Variants in MAGI3 observed in about 807,000 individuals in gnomAD.
The protein encoded by MAGI3 is membrane associated guanylate kinase, WW and PDZ domain containing 3, also known as membrane-associated guanylate kinase, WW and PDZ domain-containing protein 3.
Under a neutral mutation model 121.8 loss-of-function variants are expected in MAGI3, and 43 were observed. That is an observed-to-expected ratio of 0.35 (90% confidence interval 0.28 to 0.46). The LOEUF is 0.46. Ranked by LOEUF, MAGI3 falls within the 20% of genes least tolerant of loss-of-function variation. The probability of loss-of-function intolerance (pLI) is 1.00; values close to 1 mark genes in which losing one functional copy is unlikely to be tolerated. For missense variants in MAGI3, 1,547 were observed against 1,797.3 expected (o/e 0.86, Z 2.52); for synonymous variants, 553 against 639.3 (o/e 0.86, Z 2.04).
At chr1:113,557,665 C>A (rs926975734) in intron 2 of MAGI3, among the ~76,000 whole-genome samples, 5 of 152,190 alleles carry the variant, frequency 3.3e-5, no homozygotes, top group Admixed American at 1.3e-4. Flanking sequence ...TTGGAGAGCC[C>A]AGACCAATAG....
chr1:113,434,808 T>C (rs1653481715), intron 1 of MAGI3, among the ~76,000 whole-genome samples: 1 of 152,244 alleles, frequency 6.6e-6, no homozygotes, highest in Admixed American at 6.5e-5. Context: ...TAAGGAAGGT[T>C]CTTGCATTCA....
intron 1 of MAGI3, among the ~76,000 whole-genome samples, chr1:113,495,101 G>C (rs143772572): frequency 1.3e-5 from 2 of 152,238 alleles, no homozygotes; most frequent in East Asian, 3.9e-4. Context: ...GTTGTCGGCA[G>C]CTAGATGCTC....
chr1:113,546,485 T>C (rs966935599), intron 1 of MAGI3, among the ~76,000 whole-genome samples: 4 of 151,992 alleles, frequency 2.6e-5, no homozygotes, highest in Admixed American at 1.3e-4. Flanking sequence ...TACAGGCACA[T>C]ACCACCACAC....
intron 1 of MAGI3, among the ~76,000 whole-genome samples, chr1:113,496,822 A>AT (rs1306128393): frequency 6.6e-6 from 1 of 152,200 alleles, no homozygotes. Context: ...GGCTGTATAC[A>AT]TTTTTTTAAA....
intron 1 of MAGI3, among the ~76,000 whole-genome samples, chr1:113,530,394 T>C (rs983704160): frequency 6.7e-6 from 1 of 149,644 alleles, no homozygotes; most frequent in African/African-American, 2.5e-5. Context: ...AAGTGGGAGC[T>C]AAACAAGAAT....
At chr1:113,616,959 C>T (rs1283046753) in intron 7 of MAGI3, among the ~76,000 whole-genome samples, 1 of 150,888 alleles carries the variant, frequency 6.6e-6, no homozygotes, top group Non-Finnish European at 1.5e-5. Flanking sequence ...TCTTGGCTCA[C>T]TGCAACCTCC....
chr1:113,534,473 C>T (rs1349539901), intron 1 of MAGI3, among the ~76,000 whole-genome samples: 1 of 152,088 alleles, frequency 6.6e-6, no homozygotes, highest in Non-Finnish European at 1.5e-5. Context: ...CCTGGAATGC[C>T]CACTGTGCTC....
intron 1 of MAGI3, among the ~76,000 whole-genome samples, chr1:113,511,150 G>A (rs1211871715): frequency 6.6e-6 from 1 of 152,116 alleles, no homozygotes; most frequent in Non-Finnish European, 1.5e-5. Context: ...CCCTCTGAAA[G>A]AACTTGTTTG....
chr1:113,549,656 A>G (rs34297448), intron 2 of MAGI3, 25 bp downstream of exon 2: 34,318 of 1,275,976 alleles, frequency 0.027, 597 homozygotes, highest in East Asian at 0.047. Flanking sequence ...GAATAAAAGA[A>G]CTGAAGCAGA....
intron 16 of MAGI3, among the ~76,000 whole-genome samples, chr1:113,661,623 T>C (rs1438787456): frequency 6.6e-6 from 1 of 152,254 alleles, no homozygotes; most frequent in Admixed American, 6.5e-5. Flanking sequence ...TTATCCAAGA[T>C]TGTTCATAAT....
chr1:113,405,813 A>G (rs1031703462), intron 1 of MAGI3, among the ~76,000 whole-genome samples: 2 of 152,040 alleles, frequency 1.3e-5, no homozygotes, highest in African/African-American at 4.8e-5. Flanking sequence ...CTGCTTTCCA[A>G]AGAAAAAACT....
Position 113,390,957 on chromosome 1 carries a change from C to A in MAGI3, c.-77C>A. The A allele has an allele frequency of 1.5e-6, 2 of 1,335,452 alleles. No homozygotes were observed. Among genetic ancestry groups the A allele is most frequent in the Non-Finnish European group, 9.7e-7 (1 of 1,030,432 alleles). 82.7% of individuals were successfully genotyped at this position (1,335,452 alleles called of 1,614,324 possible). A position where few individuals can be genotyped will look rare whatever the true frequency, so the allele number is the denominator to read the frequency against. ...CCGGGCTGCGCGGGCCGCCCAGGGC[C>A]CCCGGGCTGAGACGGGGCCGGAGCG... On this transcript the variant is annotated 5_prime_UTR_variant, in exon 1 of 21. Transcript: ENST00000307546.
intron 1 of MAGI3, among the ~76,000 whole-genome samples, chr1:113,405,429 A>T (rs1330853255): frequency 1.5e-5 from 2 of 131,760 alleles, no homozygotes; most frequent in Admixed American, 9.1e-5. Flanking sequence ...GCAGTGAGCC[A>T]TGCTTGTACC....
intron 1 of MAGI3, among the ~76,000 whole-genome samples, chr1:113,418,022 C>T (rs1652543007): frequency 6.6e-6 from 1 of 152,002 alleles, no homozygotes; most frequent in African/African-American, 2.4e-5. Context: ...TTCATATTCA[C>T]TTCCTTGTCT....
intron 1 of MAGI3, among the ~76,000 whole-genome samples, chr1:113,441,421 C>T (rs1034607985): frequency 2.6e-5 from 4 of 152,188 alleles, no homozygotes; most frequent in South Asian, 4.1e-4. Flanking sequence ...ACCCAATGCT[C>T]GCTTGGGTTC....
intron 1 of MAGI3, among the ~76,000 whole-genome samples, chr1:113,411,485 A>G (rs1651981222): frequency 6.6e-6 from 1 of 152,004 alleles, no homozygotes; most frequent in South Asian, 2.1e-4. Context: ...AGATTTTCAT[A>G]TGTATTCTGG....
intron 1 of MAGI3, among the ~76,000 whole-genome samples, chr1:113,534,525 C>T (rs1465056673): frequency 1.3e-5 from 2 of 152,102 alleles, no homozygotes; most frequent in Non-Finnish European, 2.9e-5. Context: ...GTCTATGTTG[C>T]CTGGCTTCCC....
At chr1:113,538,196 T>G (rs1045729396) in intron 1 of MAGI3, among the ~76,000 whole-genome samples, 1 of 152,248 alleles carries the variant, frequency 6.6e-6, no homozygotes, top group Non-Finnish European at 1.5e-5. Flanking sequence ...TATCATCTTT[T>G]TTGGGTCAAT....
At chr1:113,493,828 A>G (rs1350298518) in intron 1 of MAGI3, among the ~76,000 whole-genome samples, 1 of 152,196 alleles carries the variant, frequency 6.6e-6, no homozygotes, top group Non-Finnish European at 1.5e-5. Flanking sequence ...ATACTGTCCC[A>G]CACCAGTCAG....
Sources: gnomAD v4.1 joint callset for allele counts (sites outside exome capture counted in the v4.1 genomes callset) on GRCh38, gnomAD v4.1.1 for gene constraint, MANE v1.5 for transcripts, NCBI Gene and HGNC (gene_info 2026-07-23, HGNC 2026-07-21) for gene names.